Variants in AMPD1 observed in about 807,000 individuals in gnomAD.
AMPD1 encodes the protein AMP deaminase 1.
AMPD1 carries 74 observed loss-of-function variants against 82.9 expected under a neutral mutation model. The ratio of observed to expected loss-of-function variants is 0.89; its 90% CI spans 0.74 to 1.08. AMPD1 has a LOEUF of 1.08. Among genes scored for constraint, AMPD1 ranks in the 50% least tolerant of loss-of-function variants. The pLI is 0.00. For missense variants in AMPD1, 881 were observed against 924.5 expected, an observed-to-expected ratio of 0.95 and a Z score of 0.61; for synonymous variants, 333 against 320.5, an observed-to-expected ratio of 1.04 and a Z score of -0.42.
rs568406135 is a variant in AMPD1 at position 114,674,857 on chromosome 1, A to G, written c.1695T>C (p.Asn565=). ...LNSLRKERGM[N]TFLFRPHCGE... ...CACAGTGAGGTCGGAACAGAAACGTATTCATGCCTCGTTCCCTGGGGAAAT... is the reference window on the plus strand; with the variant it reads ...CACAGTGAGGTCGGAACAGAAACGTGTTCATGCCTCGTTCCCTGGGGAAAT... The change falls in exon 13 of 16, where the codon AAT becomes AAC. Residue 565 remains asparagine (N), a synonymous_variant. Coordinates refer to ENST00000520113, the MANE Select transcript of AMPD1 (RefSeq NM_000036.3). The G allele has an allele frequency of 1.2e-6, 2 of 1,614,146 alleles. No homozygotes were observed. Among genetic ancestry groups the G allele is most frequent in the Admixed American group, 3.3e-5 (2 of 60,030 alleles).
chr1:114,678,869 C>T (rs1658075061), intron 7 of AMPD1, among the ~76,000 whole-genome samples: 1 of 152,178 alleles, frequency 6.6e-6, no homozygotes, highest in African/African-American at 2.4e-5. Context: ...TAACTTTCAG[C>T]CCCTAAGGAG....
Position 114,684,275 on chromosome 1 carries a change from C to T in AMPD1, c.471G>A (p.Arg157=). The T allele has an allele frequency of 1.9e-6, 3 of 1,614,076 alleles. No homozygotes were observed. Among genetic ancestry groups the T allele is most frequent in the South Asian group, 1.1e-5 (1 of 91,074 alleles). Residue 157 remains arginine, a synonymous_variant, in exon 5 of 16, where the codon AGG becomes AGA. Coordinates refer to ENST00000520113, the MANE Select transcript of AMPD1 (RefSeq NM_000036.3). Reference sequence around the variant, plus strand: ...AGTATTTGGAAGGGGTTTTAGGGAACCTCTGAAACGACTTCTGCATGTATT... The same window carrying T: ...AGTATTTGGAAGGGGTTTTAGGGAATCTCTGAAACGACTTCTGCATGTATT... ...REKYMQKSFQ[R]FPKTPSKYLR...
At chr1:114,674,651 G>T in intron 13 of AMPD1, 101 bp downstream of exon 13, 2 of 1,402,174 alleles carry the variant, frequency 1.4e-6, no homozygotes, top group South Asian at 1.2e-5. Context: ...ACTTGATTAT[G>T]ATTGCAGTGT....
intron 2 of AMPD1, among the ~76,000 whole-genome samples, chr1:114,692,998 A>G (rs1658559169): frequency 6.6e-6 from 1 of 151,488 alleles, no homozygotes; most frequent in South Asian, 2.1e-4. Flanking sequence ...GGTGGTGTGC[A>G]CCTGTCATCT....
chr1:114,691,774 A>G (rs1193287217), intron 2 of AMPD1, among the ~76,000 whole-genome samples: 1 of 151,928 alleles, frequency 6.6e-6, no homozygotes, highest in African/African-American at 2.4e-5. Context: ...AAAAATACCA[A>G]ATTAGCTGGG....
intron 12 of AMPD1, 133 bp downstream of exon 12, chr1:114,675,397 A>G: frequency 1.0e-6 from 1 of 987,392 alleles, no homozygotes; most frequent in Non-Finnish European, 1.6e-6. Flanking sequence ...AAGTTAAGAG[A>G]AAGAAATTTC....
intron 2 of AMPD1, among the ~76,000 whole-genome samples, chr1:114,690,479 A>C (rs917130401): frequency 6.6e-6 from 1 of 152,166 alleles, no homozygotes. Flanking sequence ...TTCCCCAACA[A>C]TAACAGTCAG....
At chr1:114,689,632 C>A (rs1249415652) in intron 2 of AMPD1, among the ~76,000 whole-genome samples, 1 of 152,166 alleles carries the variant, frequency 6.6e-6, no homozygotes, top group Admixed American at 6.5e-5. Context: ...GCCTGGCCAA[C>A]ATGGCGAAAC....
In AMPD1 at chr1:114,677,918, T is replaced by A. The variant is rs1658047602; in HGVS notation, c.1216A>T (p.Ile406Phe). Residue 406 changes from isoleucine to phenylalanine, a missense_variant, in exon 9 of 16, where the codon ATC becomes TTC. Ile to Phe is a conservative substitution (Grantham distance 21). Coordinates refer to ENST00000520113, the MANE Select transcript of AMPD1 (RefSeq NM_000036.3). ...GATTGGTTCCGCCTCACCTTGATGA[T>A]AGTGGCAAAATATTCCCCATTAATG... Reference protein sequence around the residue: ...NYINGEYFATIIKEVGADLVE... With the variant: ...NYINGEYFATFIKEVGADLVE... 1 of 1,613,488 alleles carries A rather than the reference T, an allele frequency of 6.2e-7. No homozygotes were observed. The highest frequency in any genetic ancestry group is 8.5e-7 in the Non-Finnish European group (1 of 1,179,910).
Position 114,674,073 on chromosome 1 carries a change from G to A in AMPD1, c.1810C>T (p.Leu604=), listed in dbSNP as rs1447962570. ...HGLNLKKSPV[L]QYLFFLAQIP... ...TGGGCTAAGAAAAACAAGTACTGTAGCACGGGACTCTGAAAAAGAAAAGTA... is the reference window on the plus strand; with the variant it reads ...TGGGCTAAGAAAAACAAGTACTGTAACACGGGACTCTGAAAAAGAAAAGTA... The change falls in exon 14 of 16, where the codon CTA becomes TTA. Residue 604 remains leucine (L), a synonymous_variant. Transcript: ENST00000520113. 12 of 1,613,600 alleles carry A rather than the reference G, an allele frequency of 7.4e-6. No homozygotes were observed. Among genetic ancestry groups the A allele is most frequent in the Admixed American group, 1.7e-5 (1 of 60,006 alleles).
Position 114,677,593 on chromosome 1 carries a change from C to T in AMPD1, c.1225-79G>A. 3 of 1,571,386 alleles carry T rather than the reference C, an allele frequency of 1.9e-6. No homozygotes were observed. The South Asian group carries it at 3.4e-5, about 18-fold the overall frequency. On this transcript the variant is annotated intron_variant, in intron 9 of 15. Coordinates refer to ENST00000520113, the MANE Select transcript of AMPD1 (RefSeq NM_000036.3). ...GTTCTAGGGAGAGGAGATTCCCTTT[C>T]TAACTCTTCCTTTCAGAATCTGAAA...
chr1:114,686,964 T>C (rs1382806029), intron 3 of AMPD1, 54 bp from the exon 4 acceptor site: 2 of 1,549,064 alleles, frequency 1.3e-6, no homozygotes, highest in Non-Finnish European at 1.8e-6. Context: ...AGGCGTTTCA[T>C]TGTGATAGAT....
intron 2 of AMPD1, 110 bp downstream of exon 2, chr1:114,693,323 CTAT>C: frequency 9.4e-7 from 1 of 1,063,928 alleles, no homozygotes; most frequent in South Asian, 1.3e-5. Context: ...ACTTTCAAGG[CTAT>C]TATTTAATAA....
chr1:114,690,411 GAT>G (rs1658479400), intron 2 of AMPD1, among the ~76,000 whole-genome samples: 1 of 152,154 alleles, frequency 6.6e-6, no homozygotes. Flanking sequence ...GATAATACAT[GAT>G]ATGACTTAGT....
At chr1:114,676,321 T>A (rs1043453930) in intron 10 of AMPD1, 19 of 350,060 alleles carry the variant, frequency 5.4e-5, no homozygotes, top group African/African-American at 4.0e-4. Context: ...CTTCAATATA[T>A]GTGTGTAACT....
intron 9 of AMPD1, 111 bp downstream of exon 9, chr1:114,677,799 C>CCTTCGT: frequency 3.8e-6 from 2 of 526,756 alleles, no homozygotes; most frequent in Non-Finnish European, 6.7e-6. Flanking sequence ...CCCTCTCTCC[C>CCTTCGT]TCCTTCCTTC....
At chr1:114,680,585 T>G in intron 5 of AMPD1, 107 bp from the exon 6 acceptor site, 1 of 925,562 alleles carries the variant, frequency 1.1e-6, no homozygotes, top group Non-Finnish European at 1.7e-6. Flanking sequence ...TGGAATCCGG[T>G]ACTTAAGTTG....
intron 5 of AMPD1, chr1:114,683,269 A>T: frequency 3.2e-6 from 1 of 315,460 alleles, no homozygotes; most frequent in Non-Finnish European, 6.2e-6. Flanking sequence ...AGACTTGGGC[A>T]TGTGGTGAAT....
In AMPD1 at chr1:114,688,584, C is replaced by G. The variant is rs1658388651; in HGVS notation, c.192G>C (p.Leu64=). The change falls in exon 3 of 16, where the codon CTG becomes CTC. Residue 64 remains leucine (L), a synonymous_variant. Transcript: ENST00000520113. ...MQAHIFHLET[L]STSTEARRKK... ...ACCTCCTGGCTTCTGTGGAGGTGGA[C>G]AGAGTCTCCAGATGGAATATGTGTG... 1 of 1,614,044 alleles carries G rather than the reference C, an allele frequency of 6.2e-7. No individual in the cohort carries two copies. Among genetic ancestry groups the G allele is most frequent in the South Asian group, 1.1e-5 (1 of 91,092 alleles).
Sources: allele counts gnomAD v4.1 joint callset (sites outside exome capture counted in the v4.1 genomes callset), GRCh38; gene constraint gnomAD v4.1.1; transcripts MANE v1.5; gene names NCBI Gene and HGNC (gene_info 2026-07-23, HGNC 2026-07-21).